FBXO33: variants seen among roughly 807,000 people sequenced by gnomAD.
FBXO33 encodes the protein F-box only protein 33.
In FBXO33, 22 loss-of-function variants were observed where a neutral mutation model predicts 46.3. The observed-to-expected ratio is 0.48, with a 90% CI of 0.34 to 0.68. The LOEUF (loss-of-function observed/expected upper bound fraction) is 0.68, where lower values mean the gene tolerates loss of function less well. Ranked by LOEUF, FBXO33 falls within the 30% of genes least tolerant of loss-of-function variation. The pLI is 0.01. For missense variants in FBXO33, 692 were observed against 708.8 expected (o/e 0.98, Z 0.27); for synonymous variants, 337 against 291.3 (o/e 1.16, Z -1.60).
In FBXO33 at chr14:39,419,711, T is replaced by G. The variant is rs191999229; in HGVS notation, c.599+11853A>C. 2.6e-5 allele frequency among the ~76,000 whole-genome samples: 4 copies of G among 152,334 alleles called. No homozygotes were observed. The East Asian group carries it at 7.7e-4, about 29-fold the overall frequency. On this transcript the variant is annotated intron_variant, in intron 1 of 3. Coordinates refer to ENST00000298097, the MANE Select transcript of FBXO33 (RefSeq NM_203301.4). ...GAACTAAAGAAATCAATAGGGTTAT[T>G]TCCCGCAGAATGTCCACAAATAACA...
chr14:39,428,247 C>A (rs1446516424), intron 1 of FBXO33, among the ~76,000 whole-genome samples: 1 of 151,960 alleles, frequency 6.6e-6, no homozygotes, highest in Non-Finnish European at 1.5e-5. Context: ...GCTCTGTCAC[C>A]CAGGATGGAG....
chr14:39,419,798 CTTCT>C (rs1344216041), intron 1 of FBXO33, among the ~76,000 whole-genome samples: 1 of 152,192 alleles, frequency 6.6e-6, no homozygotes, highest in Non-Finnish European at 1.5e-5. Flanking sequence ...TAGAAAGTTT[CTTCT>C]TTCATCTTAA....
At chr14:39,427,797 T>C (rs895793935) in intron 1 of FBXO33, among the ~76,000 whole-genome samples, 5 of 151,770 alleles carry the variant, frequency 3.3e-5, no homozygotes, top group African/African-American at 1.2e-4. Flanking sequence ...AAAATATATA[T>C]ATCAGCCAGG....
At position 39,431,767 on chromosome 14, in the gene FBXO33, G is replaced by A; in HGVS notation, c.396C>T (p.Cys132=). The change falls in exon 1 of 4, where the codon TGC becomes TGT. Residue 132 remains cysteine (C), a synonymous_variant. Coordinates refer to ENST00000298097, the MANE Select transcript of FBXO33 (RefSeq NM_203301.4). ...QPRLEFLMRK[C]GWFVRELRVE... ...CACGCAGCTCTCGCACGAACCAGCCGCACTTGCGCATGAGGAATTCCAGCC... is the reference window on the plus strand; with the variant it reads ...CACGCAGCTCTCGCACGAACCAGCCACACTTGCGCATGAGGAATTCCAGCC... 1.2e-6 allele frequency: 2 copies of A among 1,612,820 alleles called. No individual in the cohort carries two copies. Among genetic ancestry groups the A allele is most frequent in the Non-Finnish European group, 1.7e-6 (2 of 1,179,966 alleles).
At chr14:39,413,901 C>A (rs1386957255) in intron 1 of FBXO33, among the ~76,000 whole-genome samples, 3 of 152,170 alleles carry the variant, frequency 2.0e-5, no homozygotes, top group Non-Finnish European at 4.4e-5. Context: ...GGAGCACAGG[C>A]AGAGTAGATT....
intron 1 of FBXO33, among the ~76,000 whole-genome samples, chr14:39,415,465 TA>T (rs1227802240): frequency 6.6e-6 from 1 of 152,198 alleles, no homozygotes; most frequent in Non-Finnish European, 1.5e-5. Flanking sequence ...AAATGAATCA[TA>T]ACAAAACAAG....
chr14:39,406,776 G>A (rs904584469), intron 1 of FBXO33, among the ~76,000 whole-genome samples: 4 of 152,162 alleles, frequency 2.6e-5, no homozygotes, highest in African/African-American at 7.2e-5. Flanking sequence ...AGAGAGAACC[G>A]CTGGAAAGCA....
chr14:39,413,614 T>C (rs1259306988), intron 1 of FBXO33, among the ~76,000 whole-genome samples: 10 of 152,228 alleles, frequency 6.6e-5, no homozygotes, highest in Admixed American at 6.5e-4. Flanking sequence ...TATAATCTTG[T>C]AAAATGTATT....
chr14:39,402,640 G>T, intron 1 of FBXO33, 129 bp from the exon 2 acceptor site: 2 of 313,876 alleles, frequency 6.4e-6, no homozygotes, highest in Non-Finnish European at 1.1e-5. Context: ...TTAGAATCCA[G>T]TTAAGTACTT....
chr14:39,406,003 T>C (rs1223559851), intron 1 of FBXO33, among the ~76,000 whole-genome samples: 2 of 151,298 alleles, frequency 1.3e-5, no homozygotes, highest in East Asian at 3.9e-4. Flanking sequence ...ACAGAAAGGA[T>C]ATAAAACTGT....
At chr14:39,426,947 C>T (rs148968133) in intron 1 of FBXO33, among the ~76,000 whole-genome samples, 7 of 152,258 alleles carry the variant, frequency 4.6e-5, no homozygotes, top group Admixed American at 6.5e-5. Flanking sequence ...AGAATGACTC[C>T]GTGAGAACGG....
intron 3 of FBXO33, among the ~76,000 whole-genome samples, chr14:39,400,223 G>A (rs143740454): frequency 1.1e-4 from 17 of 152,246 alleles, no homozygotes; most frequent in Admixed American, 9.2e-4. Context: ...AATGCTTTGC[G>A]AAGTTATGTA....
chr14:39,402,272 T>G lies in FBXO33; in HGVS notation c.710+129A>C, dbSNP rs915749922. On this transcript the variant is annotated intron_variant, in intron 2 of 3. Transcript: ENST00000298097. ...GATGCTGATCACTGTATTTCACCAT[T>G]AAAACATTTCCAGGACCTATGTTCC... 1.5e-4 allele frequency: 69 copies of G among 469,364 alleles called. 1 individual carries two copies. Among genetic ancestry groups the G allele is most frequent in the Non-Finnish European group, 8.4e-5 (23 of 275,106 alleles). The allele number at this position is 469,364 out of a possible 1,614,324, so 29.1% of individuals were successfully genotyped here. A position where few individuals can be genotyped will look rare whatever the true frequency, so the allele number is the denominator to read the frequency against.
rs115577458 is a variant in FBXO33, at chr14:39,411,464, A to C, written c.600-8953T>G. ...TTTAGTATTGCTTTTGCCACTTGCT[A>C]TAAGTTTTGGTAAGTTGTTTTTTAT... On this transcript the variant is annotated intron_variant, in intron 1 of 3. Transcript: ENST00000298097. Among the ~76,000 whole-genome samples the C allele has an allele frequency of 5.2e-3, 784 of 151,904 alleles. 1 individual carries two copies. The highest frequency in any genetic ancestry group is 8.4e-3 in the Non-Finnish European group (574 of 67,994).
chr14:39,422,160 A>G (rs2075488447), intron 1 of FBXO33, among the ~76,000 whole-genome samples: 1 of 152,216 alleles, frequency 6.6e-6, no homozygotes, highest in Non-Finnish European at 1.5e-5. Flanking sequence ...CGGGAGACTG[A>G]GGCAGGAGAA....
Position 39,401,529 on chromosome 14 carries a change from T to G in FBXO33, c.1043A>C (p.His348Pro), listed in dbSNP as rs149090376. ...ATTTGGCATGTTGTCCAGAGACTTG[T>G]GCATTACAGAAACATTGTGAACCAG... ...SLLVHNVSVM[H>P]KSLDNMPNDE... Residue 348 changes from histidine to proline, a missense_variant, in exon 3 of 4, where the codon CAC (histidine) becomes CCC (proline). Coordinates refer to ENST00000298097, the MANE Select transcript of FBXO33 (RefSeq NM_203301.4). 40 of 1,614,202 alleles carry G rather than the reference T, an allele frequency of 2.5e-5. No individual in the cohort carries two copies. The Middle Eastern group carries it at 4.9e-4, about 20-fold the overall frequency.
chr14:39,428,882 G>A (rs910340926), intron 1 of FBXO33, among the ~76,000 whole-genome samples: 2 of 152,138 alleles, frequency 1.3e-5, no homozygotes, highest in Admixed American at 6.6e-5. Context: ...AGTACTTACT[G>A]CCCCTCTGTT....
chr14:39,432,409 C>T lies in FBXO33; in HGVS notation c.-247G>A, dbSNP rs2075569198. ...AAGGAAAAGGCAGCCCTCCCTGCGC[C>T]GGTCGGCAGAGACAGAGAAGTGGTA... On this transcript the variant is annotated 5_prime_UTR_variant, in exon 1 of 4. Coordinates refer to ENST00000298097, the MANE Select transcript of FBXO33 (RefSeq NM_203301.4). 2 of 241,414 alleles carry T rather than the reference C, an allele frequency of 8.3e-6. No individual in the cohort carries two copies. The highest frequency in any genetic ancestry group is 7.9e-6 in the Non-Finnish European group (1 of 126,754). The allele number at this position is 241,414 out of a possible 1,614,324, so 15.0% of individuals were successfully genotyped here. A position where few individuals can be genotyped will look rare whatever the true frequency, so the allele number is the denominator to read the frequency against.
intron 1 of FBXO33, among the ~76,000 whole-genome samples, chr14:39,426,979 G>C (rs1482245759): frequency 6.6e-6 from 1 of 152,074 alleles, no homozygotes; most frequent in East Asian, 1.9e-4. Context: ...TCCCCGCCTG[G>C]CACATAGTAC....
Sources: allele counts gnomAD v4.1 joint callset (sites outside exome capture counted in the v4.1 genomes callset), GRCh38; gene constraint gnomAD v4.1.1; transcripts MANE v1.5; gene names NCBI Gene and HGNC (gene_info 2026-07-23, HGNC 2026-07-21).